LOXL2: variants seen among roughly 807,000 people sequenced by gnomAD.
LOXL2 encodes the protein lysyl oxidase like 2.
Under a neutral mutation model 93.0 loss-of-function variants are expected in LOXL2, and 70 were observed. The observed-to-expected ratio is 0.75, with a 90% confidence interval of 0.62 to 0.92. LOXL2 has a LOEUF of 0.92. Among genes scored for constraint, LOXL2 ranks in the 40% least tolerant of loss-of-function variants. The probability of loss-of-function intolerance (pLI) is 0.00; values close to 1 mark genes in which losing one functional copy is unlikely to be tolerated. For synonymous variants in LOXL2, 438 were observed against 413.2 expected, an observed-to-expected ratio of 1.06 and a Z score of -0.73; for missense variants, 973 against 1,054.9, an observed-to-expected ratio of 0.92 and a Z score of 1.08.
Position 23,297,986 on chromosome 8 carries a change from A to G in LOXL2, c.*57T>C. 1 of 1,435,368 alleles carries G rather than the reference A, an allele frequency of 7.0e-7. No homozygotes were observed. Among genetic ancestry groups the G allele is most frequent in the Non-Finnish European group, 9.8e-7 (1 of 1,024,788 alleles). The allele number at this position is 1,435,368 out of a possible 1,614,324, so 88.9% of individuals were successfully genotyped here. ...TCGTTCAGACTCAGTTGTTGGGGGG[A>G]AGTCCCATGGAAGATGTGGTGTGGC... On this transcript the variant is annotated 3_prime_UTR_variant, in exon 14 of 14. Coordinates refer to ENST00000389131, the MANE Select transcript of LOXL2 (RefSeq NM_002318.3).
intron 9 of LOXL2, among the ~76,000 whole-genome samples, chr8:23,313,274 T>G (rs1171844901): frequency 6.6e-6 from 1 of 152,142 alleles, no homozygotes; most frequent in African/African-American, 2.4e-5. Flanking sequence ...AATGACTTTC[T>G]TCACAGAATT....
chr8:23,302,391 C>T (rs975232102), intron 11 of LOXL2, among the ~76,000 whole-genome samples: 2 of 152,200 alleles, frequency 1.3e-5, no homozygotes, highest in Non-Finnish European at 2.9e-5. Flanking sequence ...CTCCATGAAG[C>T]CCTCCCTGAC....
At chr8:23,399,444 A>T (rs1479450404) in intron 1 of LOXL2, among the ~76,000 whole-genome samples, 1 of 152,198 alleles carries the variant, frequency 6.6e-6, no homozygotes, top group East Asian at 1.9e-4. Flanking sequence ...TCATAAACTG[A>T]TGAATCCATT....
At chr8:23,353,753 C>A (rs1453773759) in intron 3 of LOXL2, among the ~76,000 whole-genome samples, 1 of 152,150 alleles carries the variant, frequency 6.6e-6, no homozygotes, top group Non-Finnish European at 1.5e-5. Flanking sequence ...TTTTCCCCTA[C>A]AGAATATTTA....
intron 3 of LOXL2, among the ~76,000 whole-genome samples, chr8:23,344,724 ATC>A: frequency 6.6e-6 from 1 of 152,124 alleles, no homozygotes; most frequent in Admixed American, 6.5e-5. Flanking sequence ...TAAAGTGTGC[ATC>A]TGTTTATGTG....
In LOXL2 at chr8:23,297,981, G is replaced by T; in HGVS notation, c.*62C>A. ...GGCATTCGTTCAGACTCAGTTGTTG[G>T]GGGGAAGTCCCATGGAAGATGTGGT... On this transcript the variant is annotated 3_prime_UTR_variant, in exon 14 of 14. Coordinates refer to ENST00000389131, the MANE Select transcript of LOXL2 (RefSeq NM_002318.3). 1 of 1,412,490 alleles carries T rather than the reference G, an allele frequency of 7.1e-7. No homozygotes were observed. The highest frequency in any genetic ancestry group is 1.0e-6 in the Non-Finnish European group (1 of 1,004,798). The allele number at this position is 1,412,490 out of a possible 1,614,324, so 87.5% of individuals were successfully genotyped here.
chr8:23,386,599 G>A (rs1055498100), intron 1 of LOXL2, among the ~76,000 whole-genome samples: 1 of 152,106 alleles, frequency 6.6e-6, no homozygotes, highest in Non-Finnish European at 1.5e-5. Flanking sequence ...AAAAAGCCTG[G>A]TGGAGATACC....
chr8:23,304,436 C>T (rs185273790), intron 10 of LOXL2, among the ~76,000 whole-genome samples: 5 of 152,316 alleles, frequency 3.3e-5, no homozygotes, highest in African/African-American at 9.6e-5. Flanking sequence ...CAACCTGCAA[C>T]GAGCATGTCA....
At position 23,349,326 on chromosome 8, in the gene LOXL2, G is replaced by A. The variant is rs139453065; in HGVS notation, c.532-8123C>T. On this transcript the variant is annotated intron_variant, in intron 3 of 13. Coordinates refer to ENST00000389131, the MANE Select transcript of LOXL2 (RefSeq NM_002318.3). ...CTCAGATCTTCCTGGTGGTGCCTCCGCGTTAGGCCCATACCCTGCCATTCT... is the reference window on the plus strand; with the variant it reads ...CTCAGATCTTCCTGGTGGTGCCTCCACGTTAGGCCCATACCCTGCCATTCT... 6.6e-3 allele frequency among the ~76,000 whole-genome samples: 1,010 copies of A among 152,204 alleles called. 9 individuals carry two copies. Among genetic ancestry groups the A allele is most frequent in the Middle Eastern group, 0.02 (6 of 294 alleles).
At chr8:23,299,761 G>A (rs940384076) in intron 12 of LOXL2, among the ~76,000 whole-genome samples, 1 of 152,214 alleles carries the variant, frequency 6.6e-6, no homozygotes, top group Admixed American at 6.5e-5. Flanking sequence ...ACAGCAGGGG[G>A]GCGGGTACAG....
chr8:23,361,103 G>A (rs1386605306), intron 2 of LOXL2, among the ~76,000 whole-genome samples: 4 of 152,082 alleles, frequency 2.6e-5, no homozygotes, highest in Admixed American at 1.3e-4. Flanking sequence ...GTGTCACCAT[G>A]TTGGCCAGGA....
intron 3 of LOXL2, 121 bp downstream of exon 3, chr8:23,359,969 A>T (rs1339048147): frequency 2.2e-6 from 2 of 897,488 alleles, no homozygotes; most frequent in Non-Finnish European, 3.5e-6. Context: ...ATCTAATCCC[A>T]TTGGGTGAGG....
intron 7 of LOXL2, among the ~76,000 whole-genome samples, chr8:23,321,163 G>C (rs1803490682): frequency 6.6e-6 from 1 of 152,128 alleles, no homozygotes; most frequent in Admixed American, 6.5e-5. Flanking sequence ...TCCTGCTCTA[G>C]GTCCTAAAGC....
intron 7 of LOXL2, chr8:23,321,861 G>A (rs1803501925): frequency 7.2e-6 from 3 of 418,306 alleles, no homozygotes; most frequent in African/African-American, 2.0e-5. Context: ...AGGTGGTGGG[G>A]CAGAGGTGAG....
chr8:23,328,011 A>G (rs1012681600), intron 6 of LOXL2, among the ~76,000 whole-genome samples: 1 of 150,900 alleles, frequency 6.6e-6, no homozygotes, highest in African/African-American at 2.4e-5. Context: ...AGTCTGGTGA[A>G]CTCGGAGGCC....
intron 5 of LOXL2, among the ~76,000 whole-genome samples, chr8:23,331,131 T>C (rs1803668594): frequency 6.6e-6 from 1 of 152,160 alleles, no homozygotes; most frequent in South Asian, 2.1e-4. Context: ...CCTTTTATAT[T>C]GGAGGAGTGT....
intron 4 of LOXL2, among the ~76,000 whole-genome samples, chr8:23,334,429 T>C (rs1364633390): frequency 1.3e-5 from 2 of 152,252 alleles, no homozygotes; most frequent in Admixed American, 1.3e-4. Flanking sequence ...ATTAAATTTG[T>C]ATTTCCAATG....
At chr8:23,362,509 G>T (rs564350286) in intron 2 of LOXL2, among the ~76,000 whole-genome samples, 14 of 152,268 alleles carry the variant, frequency 9.2e-5, no homozygotes, top group African/African-American at 3.1e-4. Context: ...AAGGCGGGAG[G>T]ATCATTCAAG....
chr8:23,388,770 G>A (rs73549882), intron 1 of LOXL2, among the ~76,000 whole-genome samples: 5,953 of 152,120 alleles, frequency 0.039, 365 homozygotes, highest in African/African-American at 0.14. Context: ...CATTAGGTAT[G>A]TGCAAAATTG....
Sources: allele counts gnomAD v4.1 joint callset (sites outside exome capture counted in the v4.1 genomes callset), GRCh38; gene constraint gnomAD v4.1.1; transcripts MANE v1.5; gene names NCBI Gene and HGNC (gene_info 2026-07-23, HGNC 2026-07-21).